DRC11: variants seen among roughly 807,000 people sequenced by gnomAD.
DRC11 encodes IQ and AAA domain-containing protein 1.
the DRC11 span, chr2:236,497,413 A>C: frequency 6.2e-7 from 1 of 1,613,848 alleles, no homozygotes; most frequent in Non-Finnish European, 8.5e-7. This position sits in a 1 kb window ranked among gnomAD's most constrained non-coding sequence, Gnocchi z 5.1. Flanking sequence ...TTGTGGTTCA[A>C]TCATCTTCTG....
At chr2:236,354,830 C>A in the DRC11 span, among the ~76,000 whole-genome samples, 1 of 152,130 alleles carries the variant, frequency 6.6e-6, no homozygotes, top group African/African-American at 2.4e-5. Flanking sequence ...GTGGGGTGCT[C>A]CCTGTCGTCA....
the DRC11 span, among the ~76,000 whole-genome samples, chr2:236,486,377 G>A: frequency 2.6e-5 from 4 of 152,058 alleles, no homozygotes; most frequent in South Asian, 6.2e-4. The surrounding 1 kb of genome is among the most constrained non-coding windows in gnomAD (Gnocchi z 5.7). Context: ...ACAAATTGGT[G>A]TTTTAAGCTA....
chr2:236,393,092 G>A, the DRC11 span, among the ~76,000 whole-genome samples: 7 of 152,196 alleles, frequency 4.6e-5, no homozygotes, highest in African/African-American at 1.7e-4. The surrounding 1 kb of genome is among the most constrained non-coding windows in gnomAD (Gnocchi z 4.7). Context: ...GTGGGACTTG[G>A]AAGAGGTCTC....
At chr2:236,448,699 C>T in the DRC11 span, among the ~76,000 whole-genome samples, 1 of 151,950 alleles carries the variant, frequency 6.6e-6, no homozygotes, top group African/African-American at 2.4e-5. This position sits in a 1 kb window ranked among gnomAD's most constrained non-coding sequence, Gnocchi z 5.3. Context: ...TCCGGAGGGC[C>T]CAAGGTGCAG....
chr2:236,402,266 C>G, the DRC11 span, among the ~76,000 whole-genome samples: 1 of 152,248 alleles, frequency 6.6e-6, no homozygotes, highest in Admixed American at 6.5e-5. This position sits in a 1 kb window ranked among gnomAD's most constrained non-coding sequence, Gnocchi z 6.0. Flanking sequence ...CTTCCCACAG[C>G]CCCCTGAGAC....
chr2:236,491,551 G>A, the DRC11 span, among the ~76,000 whole-genome samples: 29 of 152,170 alleles, frequency 1.9e-4, no homozygotes, highest in Non-Finnish European at 3.7e-4. Flanking sequence ...TTTCACTGTA[G>A]TGAGTGCAAC....
At chr2:236,323,404 G>A in the DRC11 span, among the ~76,000 whole-genome samples, 4 of 152,190 alleles carry the variant, frequency 2.6e-5, no homozygotes, top group Admixed American at 6.5e-5. The surrounding 1 kb of genome is among the most constrained non-coding windows in gnomAD (Gnocchi z 6.4). Context: ...AGTCTGTGGA[G>A]GGCACCCTGA....
At chr2:236,475,450 A>G in the DRC11 span, among the ~76,000 whole-genome samples, 1 of 152,166 alleles carries the variant, frequency 6.6e-6, no homozygotes, top group Non-Finnish European at 1.5e-5. The surrounding 1 kb of genome is among the most constrained non-coding windows in gnomAD (Gnocchi z 4.8). Flanking sequence ...GCAAGTGCAG[A>G]TATCTCTTCA....
chr2:236,395,529 A>G, the DRC11 span, among the ~76,000 whole-genome samples: 1 of 152,210 alleles, frequency 6.6e-6, no homozygotes, highest in Non-Finnish European at 1.5e-5. Context: ...AAAGGCCCGG[A>G]GAGTTTACGA....
chr2:236,406,992 G>A, the DRC11 span, among the ~76,000 whole-genome samples: 1 of 152,156 alleles, frequency 6.6e-6, no homozygotes, highest in Admixed American at 6.5e-5. This position sits in a 1 kb window ranked among gnomAD's most constrained non-coding sequence, Gnocchi z 4.7. Context: ...TGATCCGCCT[G>A]CCTCGGCCTC....
chr2:236,404,466 C>T, the DRC11 span, among the ~76,000 whole-genome samples: 11 of 152,288 alleles, frequency 7.2e-5, no homozygotes, highest in Middle Eastern at 3.4e-3. Context: ...CTATCCCCAT[C>T]GCTCAAAAGA....
the DRC11 span, chr2:236,338,262 A>C: frequency 1.9e-6 from 3 of 1,613,918 alleles, no homozygotes; most frequent in Admixed American, 5.0e-5. Context: ...TAAACTTTGC[A>C]GAAAGATTGG....
chr2:236,364,332 C>T, the DRC11 span, among the ~76,000 whole-genome samples: 4 of 133,294 alleles, frequency 3.0e-5, no homozygotes, highest in Non-Finnish European at 4.7e-5. Flanking sequence ...CTCTGCTTGT[C>T]GGCAGCAGCA....
chr2:236,364,093 G>T, the DRC11 span: 1 of 845,008 alleles, frequency 1.2e-6, no homozygotes, highest in Non-Finnish European at 1.8e-6. Flanking sequence ...CTGCAACAGT[G>T]ATAAAGGCGT....
At chr2:236,309,849 G>A in the DRC11 span, among the ~76,000 whole-genome samples, 1 of 152,186 alleles carries the variant, frequency 6.6e-6, no homozygotes, top group East Asian at 1.9e-4. The surrounding 1 kb of genome is among the most constrained non-coding windows in gnomAD (Gnocchi z 5.7). Flanking sequence ...CCTGGAGGAC[G>A]GAGGGATGTT....
chr2:236,409,741 G>A, the DRC11 span, among the ~76,000 whole-genome samples: 1 of 151,810 alleles, frequency 6.6e-6, no homozygotes, highest in Non-Finnish European at 1.5e-5. Context: ...TATTGGCTGT[G>A]GGTTTGTCAT....
the DRC11 span, among the ~76,000 whole-genome samples, chr2:236,356,899 GTATATTTATATATTATATATATTCATA>G: frequency 7.9e-6 from 1 of 127,276 alleles, no homozygotes; most frequent in South Asian, 2.2e-4. Context: ...TTTATAATAT[GTATATTTATATATTATATATATTCATA>G]TATATTTATA....
the DRC11 span, among the ~76,000 whole-genome samples, chr2:236,328,727 T>C: frequency 1.3e-5 from 2 of 152,198 alleles, no homozygotes; most frequent in Non-Finnish European, 2.9e-5. The surrounding 1 kb of genome is among the most constrained non-coding windows in gnomAD (Gnocchi z 6.7). Flanking sequence ...GGCGATGAAC[T>C]CCTAATTTAT....
the DRC11 span, among the ~76,000 whole-genome samples, chr2:236,425,823 T>C: frequency 6.6e-6 from 1 of 152,184 alleles, no homozygotes; most frequent in Admixed American, 6.5e-5. Flanking sequence ...TGGTGTGAGA[T>C]AAGGGTTCAA....
Sources: allele counts gnomAD v4.1 joint callset (sites outside exome capture counted in the v4.1 genomes callset), GRCh38; gene constraint gnomAD v4.1.1; non-coding constraint Gnocchi (gnomAD v3.1); transcripts MANE v1.5; gene names NCBI Gene and HGNC (gene_info 2026-07-23, HGNC 2026-07-21).